PATJ: variants seen among roughly 807,000 people sequenced by gnomAD.
The protein encoded by PATJ is inaD-like protein.
A neutral mutation model predicts 224.9 loss-of-function variants in PATJ; 190 were observed. The ratio of observed to expected loss-of-function variants is 0.84; its 90% CI spans 0.75 to 0.95. The LOEUF is 0.95. Among genes scored for constraint, PATJ ranks in the 40% least tolerant of loss-of-function variants. The pLI, the probability that PATJ is intolerant of heterozygous loss-of-function variation, is 0.00. For missense variants in PATJ, 2,121 were observed against 2,270.3 expected (o/e 0.93, Z 1.34); for synonymous variants, 769 against 820.3 (o/e 0.94, Z 1.07).
rs1669948394 is a variant in PATJ at position 62,163,015 on chromosome 1, C to T, written c.*1961C>T. 1 of 287,538 alleles carries T rather than the reference C, an allele frequency of 3.5e-6. No homozygotes were observed. The highest frequency in any genetic ancestry group is 2.8e-5 in the South Asian group (1 of 36,268). The allele number at this position is 287,538 out of a possible 1,614,324, so 17.8% of individuals were successfully genotyped here. ...ATAGAAGTAGTTCAGCATTATTTAA[C>T]TACAACACAATGCTGCAAATATTTC... On this transcript the variant is annotated 3_prime_UTR_variant, in exon 44 of 44. Transcript: ENST00000642238.
chr1:61,805,514 A>G lies in PATJ; in HGVS notation c.1616A>G (p.Tyr539Cys). The G allele has an allele frequency of 1.9e-6, 3 of 1,578,894 alleles. No homozygotes were observed. Among genetic ancestry groups the G allele is most frequent in the Non-Finnish European group, 2.6e-6 (3 of 1,148,010 alleles). ...SRWENLLGPD[Y>C]EVMVATLDTQ... ...TGGGAAAACCTGTTGGGTCCTGATT[A>G]TGAAGTAATGGTATGTTAAAATGCT... The change falls in exon 13 of 44, where the codon TAT (tyrosine) becomes TGT (cysteine). Residue 539 changes from tyrosine (Y) to cysteine (C), a missense_variant. Tyr to Cys is a radical substitution (Grantham distance 194, BLOSUM62 -2). Transcript: ENST00000642238.
chr1:61,925,748 G>T (rs74076818), intron 26 of PATJ, among the ~76,000 whole-genome samples: 235 of 152,274 alleles, frequency 1.5e-3, no homozygotes, highest in African/African-American at 5.4e-3. Context: ...CAGGTGCCAG[G>T]TATTTGTTTA....
intron 29 of PATJ, among the ~76,000 whole-genome samples, chr1:62,030,560 T>C (rs1396288670): frequency 6.7e-6 from 1 of 148,156 alleles, no homozygotes; most frequent in African/African-American, 2.4e-5. Flanking sequence ...CAATAGATTT[T>C]ATGTCTTAAG....
At chr1:61,899,412 T>A (rs1390910095) in intron 22 of PATJ, among the ~76,000 whole-genome samples, 171 bp from the exon 23 acceptor site, 2 of 152,222 alleles carry the variant, frequency 1.3e-5, no homozygotes, top group African/African-American at 4.8e-5. Context: ...AGTTGAATGT[T>A]AAAGCAATAT....
chr1:62,074,494 T>C (rs777558056), intron 31 of PATJ, among the ~76,000 whole-genome samples: 1 of 152,060 alleles, frequency 6.6e-6, no homozygotes, highest in Non-Finnish European at 1.5e-5. Context: ...AGTACAGTAG[T>C]GCAATCATAG....
At chr1:62,002,633 CG>C (rs1645844355) in intron 28 of PATJ, among the ~76,000 whole-genome samples, 1 of 149,156 alleles carries the variant, frequency 6.7e-6, no homozygotes, top group Admixed American at 6.8e-5. Flanking sequence ...CACTTGAACC[CG>C]GGAGGCAGAG....
intron 22 of PATJ, among the ~76,000 whole-genome samples, chr1:61,893,335 A>T (rs1403152503): frequency 6.6e-6 from 1 of 152,218 alleles, no homozygotes; most frequent in African/African-American, 2.4e-5. Flanking sequence ...AATTGTTCAT[A>T]TTCTAGATAG....
At chr1:62,149,763 AT>A (rs1317227215) in intron 42 of PATJ, among the ~76,000 whole-genome samples, 1 of 152,032 alleles carries the variant, frequency 6.6e-6, no homozygotes, top group African/African-American at 2.4e-5. Flanking sequence ...GCTTAAAGGA[AT>A]TTAAAAATCA....
chr1:61,893,485 G>GTTT lies in PATJ; in HGVS notation c.3132-6085_3132-6083dup, dbSNP rs66571879. Among the ~76,000 whole-genome samples the GTTT allele has an allele frequency of 3.6e-5, 5 of 139,264 alleles. No homozygotes were observed. In the Admixed American group the frequency reaches 3.6e-4, roughly 10 times the overall value. The allele number at this position is 139,264 out of a possible 152,430, so 91.4% of individuals were successfully genotyped here. A position where few individuals can be genotyped will look rare whatever the true frequency, so the allele number is the denominator to read the frequency against. ...GTTGCTTTCCCTTCTATTTTAGGGT[G>GTTT]TTTTTTTTTTTTTTTCGCCAATTAA... On this transcript the variant is annotated intron_variant, in intron 22 of 43. Transcript: ENST00000642238.
intron 27 of PATJ, among the ~76,000 whole-genome samples, chr1:61,963,849 C>T (rs1418665684): frequency 6.6e-6 from 1 of 152,034 alleles, no homozygotes; most frequent in Non-Finnish European, 1.5e-5. Context: ...CACACATTAT[C>T]CCTTTTTACA....
At chr1:61,872,696 A>C (rs1488028812) in intron 20 of PATJ, among the ~76,000 whole-genome samples, 1 of 152,228 alleles carries the variant, frequency 6.6e-6, no homozygotes, top group Non-Finnish European at 1.5e-5. Context: ...ATAGGGTCCA[A>C]ATTACCCTTA....
intron 24 of PATJ, among the ~76,000 whole-genome samples, chr1:61,905,875 T>C (rs1031650145): frequency 6.6e-6 from 1 of 152,226 alleles, no homozygotes; most frequent in South Asian, 2.1e-4. Context: ...TCTGATACTA[T>C]GTATCTGGAG....
At chr1:61,994,181 A>G (rs1645223198) in intron 28 of PATJ, among the ~76,000 whole-genome samples, 1 of 152,238 alleles carries the variant, frequency 6.6e-6, no homozygotes, top group South Asian at 2.1e-4. Context: ...CATTCAGCAA[A>G]TATCTTACTG....
At chr1:61,756,660 C>T (rs1645660931) in intron 1 of PATJ, among the ~76,000 whole-genome samples, 1 of 145,500 alleles carries the variant, frequency 6.9e-6, no homozygotes, top group Non-Finnish European at 1.5e-5. Context: ...CTCACTGCAA[C>T]CTCTGCCTCC....
chr1:61,815,369 T>G (rs1217359773), intron 14 of PATJ, among the ~76,000 whole-genome samples: 1 of 152,216 alleles, frequency 6.6e-6, no homozygotes, highest in Non-Finnish European at 1.5e-5. Context: ...ATGTATGGAC[T>G]TTATCCTCAG....
At chr1:61,846,663 C>T (rs772800750) in intron 17 of PATJ, among the ~76,000 whole-genome samples, 1 of 152,168 alleles carries the variant, frequency 6.6e-6, no homozygotes, top group African/African-American at 2.4e-5. Context: ...GTGGTGCTAT[C>T]TCGGCTCACT....
chr1:61,943,441 T>C (rs1023760441), intron 27 of PATJ, among the ~76,000 whole-genome samples: 4 of 152,262 alleles, frequency 2.6e-5, no homozygotes, highest in African/African-American at 9.6e-5. Flanking sequence ...TACCAGGAGA[T>C]TATGTCCTGT....
chr1:61,877,643 C>G (rs1003918890), intron 21 of PATJ, among the ~76,000 whole-genome samples: 9 of 152,076 alleles, frequency 5.9e-5, no homozygotes, highest in African/African-American at 2.2e-4. Flanking sequence ...GCGTGCTTCC[C>G]CTTCACTCTT....
At position 62,106,079 on chromosome 1, in the gene PATJ, T is replaced by TATACACACAC. The variant is rs1313613418; in HGVS notation, c.4378-2357_4378-2356insTACACACACA. ...AAAAAAAAAAATATATATATATATATACACACACACACACACACACACACA... is the reference window on the plus strand; with the variant it reads ...AAAAAAAAAAATATATATATATATATATACACACACACACACACACACACACACACACACA... On this transcript the variant is annotated intron_variant, in intron 33 of 43. Coordinates refer to ENST00000642238, the MANE Select transcript of PATJ (RefSeq NM_001350145.3). 3.0e-3 allele frequency among the ~76,000 whole-genome samples: 62 copies of TATACACACAC among 20,758 alleles called. 2 individuals carry two copies. The highest frequency in any genetic ancestry group is 8.6e-3 in the African/African-American group (57 of 6,648). 13.6% of individuals were successfully genotyped at this position (20,758 alleles called of 152,430 possible).
Sources: allele counts gnomAD v4.1 joint callset (sites outside exome capture counted in the v4.1 genomes callset), GRCh38; gene constraint gnomAD v4.1.1; transcripts MANE v1.5; gene names NCBI Gene and HGNC (gene_info 2026-07-23, HGNC 2026-07-21).